Variants in FGF12 observed in about 807,000 individuals in gnomAD.
FGF12 encodes fibroblast growth factor 12B.
In FGF12, 14 loss-of-function variants were observed where a neutral mutation model predicts 23.6. The observed-to-expected ratio is 0.59, with a 90% CI of 0.39 to 0.93. The LOEUF (loss-of-function observed/expected upper bound fraction) is 0.93. Among genes scored for constraint, FGF12 ranks in the 40% least tolerant of loss-of-function variants. The probability of loss-of-function intolerance (pLI) is 0.00; values close to 1 mark genes in which losing one functional copy is unlikely to be tolerated. For missense variants in FGF12, 175 were observed against 217.8 expected (o/e 0.80, Z 1.24); for synonymous variants, 62 against 77.3 (o/e 0.80, Z 1.04).
chr3:192,160,635 T>C (rs886643997), intron 5 of FGF12, among the ~76,000 whole-genome samples: 12 of 152,200 alleles, frequency 7.9e-5, no homozygotes, highest in African/African-American at 2.9e-4. Flanking sequence ...TACCCATTTC[T>C]AGACATAAAT....
At chr3:192,608,478 C>T (rs1234310929) in intron 2 of FGF12, among the ~76,000 whole-genome samples, 1 of 151,910 alleles carries the variant, frequency 6.6e-6, no homozygotes, top group Non-Finnish European at 1.5e-5. Context: ...GGAATATGTA[C>T]CAAATTTGAC....
chr3:192,369,729 C>G (rs182939445), intron 2 of FGF12, among the ~76,000 whole-genome samples: 67 of 152,318 alleles, frequency 4.4e-4, no homozygotes, highest in African/African-American at 1.5e-3. Context: ...CCAACATGCA[C>G]TAGGTGCTGG....
chr3:192,462,893 G>A (rs73070203), intron 2 of FGF12, among the ~76,000 whole-genome samples: 1,932 of 152,264 alleles, frequency 0.013, 42 homozygotes, highest in African/African-American at 0.042. Flanking sequence ...CTCTGTAGAA[G>A]CTACACAACT....
rs545686690 is a variant in FGF12, at chr3:192,559,807, C to A, written c.13+167374G>T. Among the ~76,000 whole-genome samples, 12 of 147,542 alleles carry A rather than the reference C, an allele frequency of 8.1e-5. No homozygotes were observed. The East Asian group carries it at 2.4e-3, about 30-fold the overall frequency. On this transcript the variant is annotated intron_variant, in intron 2 of 5. Transcript: ENST00000445105. Reference sequence around the variant, plus strand: ...ACTTTCCACTCAATTTTACTGGGAACCTAAAACTCCTCTAAAAACTAAAGT... The same window carrying A: ...ACTTTCCACTCAATTTTACTGGGAAACTAAAACTCCTCTAAAAACTAAAGT...
intron 2 of FGF12, among the ~76,000 whole-genome samples, chr3:192,665,024 G>C (rs1716811667): frequency 6.6e-6 from 1 of 152,128 alleles, no homozygotes; most frequent in African/African-American, 2.4e-5. Context: ...GATTTTTAGT[G>C]CATTAATCCT....
intron 2 of FGF12, among the ~76,000 whole-genome samples, chr3:192,473,031 T>C (rs973635757): frequency 1.3e-5 from 2 of 152,226 alleles, no homozygotes; most frequent in Non-Finnish European, 2.9e-5. Context: ...ATGCCGTTTC[T>C]GTACTTGAAA....
intron 2 of FGF12, among the ~76,000 whole-genome samples, chr3:192,677,543 T>A (rs1256679940): frequency 6.6e-6 from 1 of 152,234 alleles, no homozygotes; most frequent in South Asian, 2.1e-4. Flanking sequence ...GTTCAATATA[T>A]TGGTTTTTCT....
chr3:192,141,064 G>A lies in FGF12; in HGVS notation c.*2945C>T, dbSNP rs1043986682. ...TAAACATATCTTAATTTATATCTGC[G>A]TAGCCAATTGCAAAGCATTACTAAA... On this transcript the variant is annotated 3_prime_UTR_variant, in exon 6 of 6. Coordinates refer to ENST00000445105, the MANE Select transcript of FGF12 (RefSeq NM_004113.6). The A allele has an allele frequency of 1.6e-5, 2 of 126,346 alleles. No individual in the cohort carries two copies. Among genetic ancestry groups the A allele is most frequent in the Admixed American group, 2.0e-4 (2 of 9,758 alleles). 7.8% of individuals were successfully genotyped at this position (126,346 alleles called of 1,614,324 possible).
At chr3:192,271,332 G>A (rs972853285) in intron 4 of FGF12, among the ~76,000 whole-genome samples, 5 of 152,010 alleles carry the variant, frequency 3.3e-5, no homozygotes, top group East Asian at 1.9e-4. Flanking sequence ...TTTCTGAGTC[G>A]ACATAAGTAT....
intron 2 of FGF12, chr3:192,516,841 C>T (rs1409996741): frequency 6.6e-6 from 1 of 152,248 alleles, no homozygotes; most frequent in Non-Finnish European, 1.5e-5. Flanking sequence ...TATGCAGCCC[C>T]AGGGCAACCT....
intron 4 of FGF12, among the ~76,000 whole-genome samples, chr3:192,327,042 TTGTGG>T (rs1273732341): frequency 1.3e-5 from 2 of 152,208 alleles, no homozygotes; most frequent in African/African-American, 4.8e-5. Context: ...AAGCTCATGG[TTGTGG>T]ACGTGAAGAC....
At chr3:192,599,373 C>T (rs947735237) in intron 2 of FGF12, among the ~76,000 whole-genome samples, 5 of 151,826 alleles carry the variant, frequency 3.3e-5, no homozygotes, top group Non-Finnish European at 5.9e-5. Flanking sequence ...AAGTTAACTT[C>T]TCTGAATCTC....
chr3:192,669,012 CT>C (rs1717003752), intron 2 of FGF12, among the ~76,000 whole-genome samples: 1 of 152,060 alleles, frequency 6.6e-6, no homozygotes, highest in African/African-American at 2.4e-5. Flanking sequence ...AATAAATATG[CT>C]CTAATATGTT....
chr3:192,188,223 T>A (rs988630186), intron 4 of FGF12, among the ~76,000 whole-genome samples: 1 of 152,238 alleles, frequency 6.6e-6, no homozygotes, highest in African/African-American at 2.4e-5. Context: ...GACTGTCCAA[T>A]GGCAGGAATT....
At chr3:192,247,334 T>C (rs760754468) in intron 4 of FGF12, among the ~76,000 whole-genome samples, 1 of 152,126 alleles carries the variant, frequency 6.6e-6, no homozygotes, top group Non-Finnish European at 1.5e-5. Context: ...ATCAAATTGG[T>C]GAGTAATTTT....
At chr3:192,439,899 C>G (rs2108795688) in intron 2 of FGF12, among the ~76,000 whole-genome samples, 1 of 151,428 alleles carries the variant, frequency 6.6e-6, no homozygotes, top group East Asian at 2.0e-4. Context: ...CTGCTTGAAC[C>G]CGGGAGGCAG....
At chr3:192,680,869 C>T (rs1717502534) in intron 2 of FGF12, among the ~76,000 whole-genome samples, 1 of 152,100 alleles carries the variant, frequency 6.6e-6, no homozygotes, top group African/African-American at 2.4e-5. Flanking sequence ...AGTGTCCCTA[C>T]CTATAAAGCC....
chr3:192,592,625 T>C (rs1461552249), intron 2 of FGF12, among the ~76,000 whole-genome samples: 3 of 151,868 alleles, frequency 2.0e-5, no homozygotes, highest in African/African-American at 4.8e-5. Context: ...CATAATATCA[T>C]GCAGGATGCA....
chr3:192,710,075 T>C (rs1200719831), intron 2 of FGF12, among the ~76,000 whole-genome samples: 2 of 152,220 alleles, frequency 1.3e-5, no homozygotes, highest in Admixed American at 1.3e-4. Flanking sequence ...TTTTTAAAGC[T>C]ATTTGCATGG....
Sources: allele counts gnomAD v4.1 joint callset (sites outside exome capture counted in the v4.1 genomes callset), GRCh38; gene constraint gnomAD v4.1.1; transcripts MANE v1.5; gene names NCBI Gene and HGNC (gene_info 2026-07-23, HGNC 2026-07-21).